Variants in SIGLECL1 observed in about 807,000 individuals in gnomAD.
SIGLECL1 encodes SIGLEC family-like protein 1.
SIGLECL1 carries 16 observed loss-of-function variants against 19.1 expected under a neutral mutation model. The ratio of observed to expected loss-of-function variants is 0.84; its 90% CI spans 0.57 to 1.27. The LOEUF (loss-of-function observed/expected upper bound fraction) is 1.27. SIGLECL1 is among the 50% of genes most tolerant of loss of function. The pLI, the probability that SIGLECL1 is intolerant of heterozygous loss-of-function variation, is 0.00. For synonymous variants in SIGLECL1, 89 were observed against 90.4 expected, an observed-to-expected ratio of 0.98 and a Z score of 0.09; for missense variants, 210 against 239.4, an observed-to-expected ratio of 0.88 and a Z score of 0.81.
chr19:51,257,356 T>C (rs1982881125), intron 1 of SIGLECL1, among the ~76,000 whole-genome samples: 1 of 149,336 alleles, frequency 6.7e-6, no homozygotes, highest in Admixed American at 6.7e-5. Context: ...CAGTGAACTG[T>C]GAATGCTCCG....
At chr19:51,255,531 G>T (rs1164961240) in intron 1 of SIGLECL1, among the ~76,000 whole-genome samples, 1 of 152,064 alleles carries the variant, frequency 6.6e-6, no homozygotes, top group Non-Finnish European at 1.5e-5. Context: ...TATTTGCAAA[G>T]CATCCATCTA....
At chr19:51,249,332 T>G (rs1372059478), upstream of SIGLECL1, among the ~76,000 whole-genome samples, 3 of 152,136 alleles carry the variant, frequency 2.0e-5, no homozygotes, top group African/African-American at 7.2e-5. Flanking sequence ...GCAGTCAGTC[T>G]GCTACAGCTA....
intron 4 of SIGLECL1, among the ~76,000 whole-genome samples, chr19:51,266,730 T>A (rs1983703869): frequency 6.6e-6 from 1 of 152,140 alleles, no homozygotes; most frequent in Non-Finnish European, 1.5e-5. Context: ...AAAACTTAGC[T>A]GCATGTATTA....
At chr19:51,263,110 G>A (rs186084687) in intron 1 of SIGLECL1, among the ~76,000 whole-genome samples, 3 of 152,196 alleles carry the variant, frequency 2.0e-5, no homozygotes, top group Admixed American at 6.5e-5. Context: ...TGTTGCCCAC[G>A]CTGGAATTAC....
At chr19:51,256,639 AT>A (rs1982828894) in intron 1 of SIGLECL1, among the ~76,000 whole-genome samples, 1 of 152,158 alleles carries the variant, frequency 6.6e-6, no homozygotes, top group Non-Finnish European at 1.5e-5. Context: ...TATACTTGAA[AT>A]TTTGTGACAG....
chr19:51,251,947 G>C (rs991034077), intron 1 of SIGLECL1, among the ~76,000 whole-genome samples: 3 of 152,190 alleles, frequency 2.0e-5, no homozygotes, highest in African/African-American at 4.8e-5. Context: ...TTTGGAACAA[G>C]AGACAGAAGG....
chr19:51,268,281 T>C (rs1485450813), intron 5 of SIGLECL1, among the ~76,000 whole-genome samples: 2 of 152,036 alleles, frequency 1.3e-5, no homozygotes, highest in East Asian at 3.9e-4. Flanking sequence ...GTTACGGTGG[T>C]GCAGAAGAGG....
At chr19:51,259,993 T>C (rs1983095559) in intron 1 of SIGLECL1, among the ~76,000 whole-genome samples, 1 of 152,228 alleles carries the variant, frequency 6.6e-6, no homozygotes, top group African/African-American at 2.4e-5. Context: ...GTCACTTCAG[T>C]GGGCTGAACT....
chr19:51,250,451 C>T (rs867123011), upstream of SIGLECL1, among the ~76,000 whole-genome samples: 19 of 152,092 alleles, frequency 1.2e-4, no homozygotes, highest in African/African-American at 4.6e-4. Flanking sequence ...TTGTGCTGAC[C>T]GCCTATATCA....
chr19:51,253,831 C>A (rs1982636477), intron 1 of SIGLECL1, among the ~76,000 whole-genome samples: 1 of 152,124 alleles, frequency 6.6e-6, no homozygotes. Flanking sequence ...TGTCTTGGGG[C>A]CAGTCATAGT....
upstream of SIGLECL1, among the ~76,000 whole-genome samples, chr19:51,250,327 G>A (rs1280616937): frequency 6.6e-6 from 1 of 152,152 alleles, no homozygotes; most frequent in East Asian, 1.9e-4. Context: ...CAGGTAATCC[G>A]CCCGCCTCAG....
chr19:51,254,401 T>A (rs534752782), intron 1 of SIGLECL1, among the ~76,000 whole-genome samples: 1 of 151,738 alleles, frequency 6.6e-6, no homozygotes, highest in South Asian at 2.1e-4. Flanking sequence ...CATCAACTGA[T>A]GAATGGATAA....
intron 1 of SIGLECL1, among the ~76,000 whole-genome samples, chr19:51,259,411 G>A (rs1041959574): frequency 6.6e-6 from 1 of 152,148 alleles, no homozygotes; most frequent in Non-Finnish European, 1.5e-5. Flanking sequence ...ATGCTAAATA[G>A]GAACCAATAA....
At chr19:51,260,495 A>G (rs1227778809) in intron 1 of SIGLECL1, among the ~76,000 whole-genome samples, 1 of 152,084 alleles carries the variant, frequency 6.6e-6, no homozygotes, top group Non-Finnish European at 1.5e-5. Context: ...TGGCATTTGG[A>G]TTGTTTACCT....
At chr19:51,249,764 C>A (rs868206944), upstream of SIGLECL1, among the ~76,000 whole-genome samples, 5 of 152,150 alleles carry the variant, frequency 3.3e-5, no homozygotes, top group Admixed American at 1.3e-4. Context: ...ATTCTTGTAT[C>A]TCTTGCAAGA....
At chr19:51,247,982 AC>A (rs1402978328), upstream of SIGLECL1, among the ~76,000 whole-genome samples, 1 of 152,112 alleles carries the variant, frequency 6.6e-6, no homozygotes, top group African/African-American at 2.4e-5. Flanking sequence ...CTACACCAAT[AC>A]AGGAGTTAAG....
intron 1 of SIGLECL1, among the ~76,000 whole-genome samples, chr19:51,260,918 T>C (rs1599795700): frequency 6.6e-6 from 1 of 152,262 alleles, no homozygotes; most frequent in South Asian, 2.1e-4. Flanking sequence ...GTATTCTCTA[T>C]ATATTTTTGG....
intron 2 of SIGLECL1, among the ~76,000 whole-genome samples, chr19:51,264,742 C>T (rs1294393333): frequency 1.3e-5 from 2 of 152,208 alleles, no homozygotes; most frequent in Non-Finnish European, 2.9e-5. Context: ...CATTCTTACA[C>T]AGAAGATGCC....
chr19:51,258,576 A>G (rs1472451326), intron 1 of SIGLECL1, among the ~76,000 whole-genome samples: 2 of 152,202 alleles, frequency 1.3e-5, no homozygotes, highest in African/African-American at 2.4e-5. Flanking sequence ...AAAGTGGCTG[A>G]GGCGGATCCT....
Sources: gnomAD v4.1 joint callset for allele counts (sites outside exome capture counted in the v4.1 genomes callset) on GRCh38, gnomAD v4.1.1 for gene constraint, MANE v1.5 for transcripts, NCBI Gene and HGNC (gene_info 2026-07-23, HGNC 2026-07-21) for gene names.